Variants in NUP155 observed in about 807,000 individuals in gnomAD.
The protein encoded by NUP155 is nucleoporin 155, also known as nuclear pore complex protein Nup155.
Under a neutral mutation model 180.4 loss-of-function variants are expected in NUP155, and 71 were observed. The observed-to-expected ratio is 0.39, with a 90% CI of 0.33 to 0.48. NUP155 has a LOEUF of 0.48. NUP155 is among the 20% of genes least tolerant of loss of function. NUP155 has a pLI of 0.91. For synonymous variants in NUP155, 582 were observed against 559.5 expected (o/e 1.04, Z -0.57); for missense variants, 1,553 against 1,648.9 (o/e 0.94, Z 1.01).
chr5:37,356,582 G>C (rs1052600134), intron 4 of NUP155, among the ~76,000 whole-genome samples: 6 of 152,092 alleles, frequency 3.9e-5, no homozygotes, highest in Non-Finnish European at 8.8e-5. Context: ...AGACTGCAGT[G>C]AGCACCAAGG....
chr5:37,302,030 G>GCTGC (rs2150942036), intron 29 of NUP155, among the ~76,000 whole-genome samples: 1 of 152,308 alleles, frequency 6.6e-6, no homozygotes, highest in African/African-American at 2.4e-5. Context: ...AGGAAAGCCA[G>GCTGC]CTGCCAATCA....
chr5:37,349,659 C>T (rs1746335161), intron 7 of NUP155, among the ~76,000 whole-genome samples: 1 of 152,162 alleles, frequency 6.6e-6, no homozygotes, highest in Non-Finnish European at 1.5e-5. Flanking sequence ...TGTTAAGAAA[C>T]TTCCAGTTTG....
At chr5:37,318,182 T>TA in intron 20 of NUP155, 97 bp from the exon 21 acceptor site, 1 of 860,758 alleles carries the variant, frequency 1.2e-6, no homozygotes, top group Non-Finnish European at 2.0e-6. Context: ...TTACTTTTTT[T>TA]AAATAATTCA....
chr5:37,312,372 A>G (rs1264691435), intron 22 of NUP155, among the ~76,000 whole-genome samples: 3 of 83,480 alleles, frequency 3.6e-5, no homozygotes, highest in African/African-American at 6.6e-5. Flanking sequence ...AAGAGGATTA[A>G]AAAAAAAAAA....
intron 3 of NUP155, among the ~76,000 whole-genome samples, chr5:37,359,061 C>G (rs10070367): frequency 0.062 from 9,391 of 151,350 alleles, 930 homozygotes; most frequent in African/African-American, 0.21. Context: ...GTAATCTCAG[C>G]ACTTTGGGAG....
chr5:37,350,819 TAA>T (rs57132136), intron 6 of NUP155, among the ~76,000 whole-genome samples: 2,581 of 100,406 alleles, frequency 0.026, 79 homozygotes, highest in African/African-American at 0.087. Flanking sequence ...CCATCACATT[TAA>T]AAAAAAAAAA....
At position 37,299,476 on chromosome 5, in the gene NUP155, C is replaced by G. The variant is rs1742750681; in HGVS notation, c.3654G>C (p.Gln1218His). 1.9e-6 allele frequency: 3 copies of G among 1,614,118 alleles called. No homozygotes were observed. The highest frequency in any genetic ancestry group is 1.3e-5 in the African/African-American group (1 of 75,046). ...TCTCTATGATATCTTGCCAAAGTGT[C>G]TGCACCAATATAGGGTCTGAATAAC... Reference protein sequence around the residue: ...CAGYSDPILVQTLWQDIIEKE... With the variant: ...CAGYSDPILVHTLWQDIIEKE... The change falls in exon 31 of 35, where the codon CAG becomes CAC. Residue 1218 changes from glutamine to histidine, a missense_variant. Transcript: ENST00000231498.
chr5:37,362,277 A>T (rs1747272964), intron 3 of NUP155, among the ~76,000 whole-genome samples: 1 of 152,146 alleles, frequency 6.6e-6, no homozygotes, highest in South Asian at 2.1e-4. Flanking sequence ...GGAAATGTAA[A>T]AAATTTCATT....
chr5:37,346,690 G>C (rs1204501978), intron 9 of NUP155, among the ~76,000 whole-genome samples: 1 of 151,406 alleles, frequency 6.6e-6, no homozygotes, highest in Non-Finnish European at 1.5e-5. Flanking sequence ...AAAAAAAAGA[G>C]AGAGAGAGCG....
rs560869357 is a variant in NUP155 at position 37,300,798 on chromosome 5, A to G, written c.3561+639T>C. Among the ~76,000 whole-genome samples the G allele has an allele frequency of 2.0e-5, 3 of 150,860 alleles. No homozygotes were observed. In the South Asian group the frequency reaches 6.3e-4, roughly 32 times the overall value. On this transcript the variant is annotated intron_variant, in intron 30 of 34. Transcript: ENST00000231498. ...CAGACTCCTGAGTAGATGAACTACA[A>G]CCACACACCACCACACCTGGCTAAT...
intron 4 of NUP155, among the ~76,000 whole-genome samples, chr5:37,356,809 G>C (rs16903599): frequency 3.3e-5 from 5 of 152,058 alleles, no homozygotes; most frequent in Admixed American, 2.6e-4. Flanking sequence ...TCACTTCCAC[G>C]GGCCATCAAG....
rs139641962 is a variant in NUP155 at position 37,334,501 on chromosome 5, C to G, written c.1348-868G>C. Among the ~76,000 whole-genome samples the G allele has an allele frequency of 1.3e-3, 191 of 152,196 alleles. 1 individual carries two copies. Among genetic ancestry groups the G allele is most frequent in the African/African-American group, 4.5e-3 (186 of 41,524 alleles). ...GTTCATGCAATTCTCCTGCCTCAGC[C>G]TTCCGAGTATCTGGGATTAGAGACG... On this transcript the variant is annotated intron_variant, in intron 12 of 34. Coordinates refer to ENST00000231498, the MANE Select transcript of NUP155 (RefSeq NM_153485.3).
In NUP155 at chr5:37,311,325, G is replaced by A. The variant is rs147465971; in HGVS notation, c.2437-582C>T. On this transcript the variant is annotated intron_variant, in intron 22 of 34. Coordinates refer to ENST00000231498, the MANE Select transcript of NUP155 (RefSeq NM_153485.3). ...TTTGCATTCATTGAGCATGCCATTG[G>A]TGATGTAAGGAAGAGAGCTTTGAAG... is the stretch of plus-strand genomic sequence containing the variant. 3.8e-3 allele frequency among the ~76,000 whole-genome samples: 582 copies of A among 152,198 alleles called. 7 individuals are homozygous for A. The highest frequency in any genetic ancestry group is 0.011 in the African/African-American group (454 of 41,554).
intron 30 of NUP155, among the ~76,000 whole-genome samples, chr5:37,299,858 C>A (rs1742772253): frequency 6.9e-6 from 1 of 145,418 alleles, no homozygotes; most frequent in African/African-American, 2.8e-5. Flanking sequence ...TATGGTGAAA[C>A]CCCGTCTCTA....
At chr5:37,323,665 G>A (rs112484042) in intron 20 of NUP155, among the ~76,000 whole-genome samples, 1 of 148,298 alleles carries the variant, frequency 6.7e-6, no homozygotes, top group East Asian at 1.9e-4. Context: ...TATATATTGT[G>A]TATCTTATGT....
intron 4 of NUP155, 95 bp from the exon 5 acceptor site, chr5:37,352,924 T>C (rs1282095998): frequency 6.1e-6 from 5 of 814,020 alleles, no homozygotes; most frequent in Middle Eastern, 2.3e-4. Flanking sequence ...ACTAATTAAA[T>C]GGTATATGAA....
chr5:37,308,977 T>G, intron 24 of NUP155, 152 bp downstream of exon 24: 1 of 685,446 alleles, frequency 1.5e-6, no homozygotes, highest in South Asian at 1.7e-5. Flanking sequence ...AACACAATGA[T>G]ACCACATTCC....
At chr5:37,301,976 T>G (rs1487566188) in intron 29 of NUP155, among the ~76,000 whole-genome samples, 1 of 152,168 alleles carries the variant, frequency 6.6e-6, no homozygotes, top group Non-Finnish European at 1.5e-5. Context: ...TAGGGAATGG[T>G]AGTGCCAGAA....
At chr5:37,362,351 C>T (rs1013670742) in intron 3 of NUP155, among the ~76,000 whole-genome samples, 1 of 151,318 alleles carries the variant, frequency 6.6e-6, no homozygotes, top group Non-Finnish European at 1.5e-5. Context: ...TGCAATGGCG[C>T]GATCTCGGCT....
Sources: allele counts gnomAD v4.1 joint callset (sites outside exome capture counted in the v4.1 genomes callset), GRCh38; gene constraint gnomAD v4.1.1; transcripts MANE v1.5; gene names NCBI Gene and HGNC (gene_info 2026-07-23, HGNC 2026-07-21).